GLIS3: variants seen among roughly 807,000 people sequenced by gnomAD.
The protein encoded by GLIS3 is GLIS family zinc finger 3, also known as zinc finger protein GLIS3.
In GLIS3, 53 loss-of-function variants were observed where a neutral mutation model predicts 78.6. The ratio of observed to expected loss-of-function variants is 0.67; its 90% CI spans 0.54 to 0.85. The LOEUF (loss-of-function observed/expected upper bound fraction) is 0.85. Ranked by LOEUF, GLIS3 falls within the 40% of genes least tolerant of loss-of-function variation. The pLI is 0.00. For missense variants in GLIS3, 1,703 were observed against 1,231.1 expected, an observed-to-expected ratio of 1.38 and a Z score of -5.74; for synonymous variants, 684 against 509.9, an observed-to-expected ratio of 1.34 and a Z score of -4.60.
At chr9:3,857,361 G>A (rs1811175161) in intron 8 of GLIS3, among the ~76,000 whole-genome samples, 1 of 152,182 alleles carries the variant, frequency 6.6e-6, no homozygotes, top group South Asian at 2.1e-4. Context: ...TTTGTGGAGG[G>A]CCATAGATGA....
At chr9:4,062,833 G>A (rs1210516585) in intron 4 of GLIS3, among the ~76,000 whole-genome samples, 2 of 152,042 alleles carry the variant, frequency 1.3e-5, no homozygotes, top group Non-Finnish European at 2.9e-5. Context: ...GGAGGCTGAG[G>A]CAGGAGAATG....
intron 2 of GLIS3, among the ~76,000 whole-genome samples, chr9:4,275,692 G>T (rs1193166591): frequency 6.6e-6 from 1 of 152,070 alleles, no homozygotes; most frequent in African/African-American, 2.4e-5. Context: ...GAGCCCAGCA[G>T]TTCAAGGCTG....
At chr9:4,139,476 A>G (rs966765501) in intron 2 of GLIS3, among the ~76,000 whole-genome samples, 4 of 152,194 alleles carry the variant, frequency 2.6e-5, no homozygotes, top group Non-Finnish European at 4.4e-5. Context: ...ACAACTGTTG[A>G]TATGTCTCTA....
At chr9:4,478,664 T>G in the GLIS3 span, among the ~76,000 whole-genome samples, 2 of 152,008 alleles carry the variant, frequency 1.3e-5, no homozygotes, top group African/African-American at 4.8e-5. Flanking sequence ...AATTCATTAT[T>G]GAGAAAACCA....
intron 2 of GLIS3, among the ~76,000 whole-genome samples, chr9:4,135,314 C>T (rs1041298097): frequency 6.6e-6 from 1 of 152,078 alleles, no homozygotes; most frequent in Non-Finnish European, 1.5e-5. Flanking sequence ...AGCTCATAAT[C>T]CACCCCCGAC....
intron 2 of GLIS3, among the ~76,000 whole-genome samples, chr9:4,143,351 G>C (rs762609207): frequency 6.6e-6 from 1 of 151,982 alleles, no homozygotes. Context: ...CAGATCACCC[G>C]AGGTCAGGAG....
intron 2 of GLIS3, among the ~76,000 whole-genome samples, chr9:4,151,224 G>C (rs751141764): frequency 8.5e-5 from 13 of 152,152 alleles, no homozygotes; most frequent in Non-Finnish European, 1.9e-4. Context: ...GAGCCTAGAA[G>C]ATACAAAAGC....
intron 2 of GLIS3, among the ~76,000 whole-genome samples, chr9:4,130,966 G>A (rs550920330): frequency 2.0e-5 from 3 of 152,346 alleles, no homozygotes; most frequent in South Asian, 2.1e-4. Flanking sequence ...AGCTGCCCAA[G>A]GCCTTAGGAG....
At chr9:3,952,902 G>T (rs945722339) in intron 4 of GLIS3, among the ~76,000 whole-genome samples, 8 of 152,096 alleles carry the variant, frequency 5.3e-5, no homozygotes, top group Non-Finnish European at 8.8e-5. Flanking sequence ...GTTTAGCAAG[G>T]TCCTGGGGGA....
At chr9:3,842,802 A>C (rs1482570808) in intron 9 of GLIS3, among the ~76,000 whole-genome samples, 5 of 152,236 alleles carry the variant, frequency 3.3e-5, no homozygotes, top group Non-Finnish European at 5.9e-5. Context: ...AACATCTGAA[A>C]GTTTTCCAAG....
rs1232344182 is a variant in GLIS3, at chr9:3,977,975, G to T, written c.1711-40786C>A. Among the ~76,000 whole-genome samples the T allele has an allele frequency of 6.6e-6, 1 of 152,204 alleles. No homozygotes were observed. Among genetic ancestry groups the T allele is most frequent in the Non-Finnish European group, 1.5e-5 (1 of 68,030 alleles). The stretch of plus-strand genomic sequence containing the variant: ...GAAAGGCCAGTTGACACCGCTGGGT[G>T]CACCCTCCGCTGCTCCAAACCTGAG... On this transcript the variant is annotated intron_variant, in intron 4 of 10. Transcript: ENST00000381971. The surrounding 1 kb of genome is among the most constrained non-coding windows in gnomAD (Gnocchi z 4.1).
intron 4 of GLIS3, among the ~76,000 whole-genome samples, chr9:4,005,484 A>C (rs1385430755): frequency 6.6e-6 from 1 of 152,240 alleles, no homozygotes; most frequent in African/African-American, 2.4e-5. Context: ...GCTAAACTGC[A>C]TGAGTTCAAA....
intron 2 of GLIS3, among the ~76,000 whole-genome samples, chr9:4,318,679 G>A (rs778127229): frequency 3.3e-5 from 5 of 152,206 alleles, no homozygotes; most frequent in African/African-American, 4.8e-5. Flanking sequence ...CTTTTTTACA[G>A]TGAAATACTA....
intron 2 of GLIS3, among the ~76,000 whole-genome samples, chr9:4,311,603 C>T (rs1386061088): frequency 6.6e-6 from 1 of 152,138 alleles, no homozygotes; most frequent in Non-Finnish European, 1.5e-5. Flanking sequence ...CTCCCCAGCT[C>T]CTACCCCTAC....
At chr9:3,952,060 T>C (rs955881846) in intron 4 of GLIS3, among the ~76,000 whole-genome samples, 1 of 150,768 alleles carries the variant, frequency 6.6e-6, no homozygotes, top group African/African-American at 2.5e-5. Flanking sequence ...CAGGCCAAGA[T>C]AATTTGGAGA....
intron 1 of GLIS3, among the ~76,000 whole-genome samples, chr9:4,294,646 T>C (rs1243703122): frequency 6.6e-6 from 1 of 152,208 alleles, no homozygotes; most frequent in Non-Finnish European, 1.5e-5. Context: ...CTTTCTACAC[T>C]ACATTACAGT....
At chr9:4,442,418 C>A in the GLIS3 span, among the ~76,000 whole-genome samples, 3 of 152,064 alleles carry the variant, frequency 2.0e-5, no homozygotes, top group Non-Finnish European at 4.4e-5. Context: ...TCCCTCCCCA[C>A]CCCCTAAAGA....
At chr9:4,375,028 A>G in the GLIS3 span, among the ~76,000 whole-genome samples, 1 of 152,298 alleles carries the variant, frequency 6.6e-6, no homozygotes, top group East Asian at 1.9e-4. Flanking sequence ...TGTTGTTTCT[A>G]ACTTTTCACT....
At chr9:4,370,784 T>C in the GLIS3 span, among the ~76,000 whole-genome samples, 1 of 151,944 alleles carries the variant, frequency 6.6e-6, no homozygotes. Flanking sequence ...GTTCACCCAT[T>C]CTCAACGTAC....
Sources: gnomAD v4.1 joint callset for allele counts (sites outside exome capture counted in the v4.1 genomes callset) on GRCh38, gnomAD v4.1.1 for gene constraint, Gnocchi (gnomAD v3.1) non-coding constraint, MANE v1.5 for transcripts, NCBI Gene and HGNC (gene_info 2026-07-23, HGNC 2026-07-21) for gene names.